SYNRG: variants seen among roughly 807,000 people sequenced by gnomAD.
SYNRG encodes synergin gamma, also known as AP1 gamma subunit binding protein 1.
SYNRG carries 37 observed loss-of-function variants against 130.9 expected under a neutral mutation model. The observed-to-expected ratio is 0.28, with a 90% confidence interval of 0.22 to 0.37. SYNRG has a LOEUF of 0.37. Ranked by LOEUF, SYNRG falls within the 10% of genes least tolerant of loss-of-function variation. The pLI is 1.00. For missense variants in SYNRG, 1,338 were observed against 1,588.9 expected (o/e 0.84, Z 2.68); for synonymous variants, 539 against 568.1 (o/e 0.95, Z 0.73).
At chr17:37,528,511 C>T (rs995794798) in intron 19 of SYNRG, among the ~76,000 whole-genome samples, 73 of 152,242 alleles carry the variant, frequency 4.8e-4, no homozygotes, top group African/African-American at 1.6e-3. Context: ...AAGGGCCTCA[C>T]TGTGGCAATA....
At chr17:37,590,899 C>A (rs184720405) in intron 3 of SYNRG, among the ~76,000 whole-genome samples, 1 of 151,974 alleles carries the variant, frequency 6.6e-6, no homozygotes, top group Admixed American at 6.6e-5. Context: ...CAAGCCTGGG[C>A]GACAGAGTAG....
intron 19 of SYNRG, among the ~76,000 whole-genome samples, chr17:37,524,569 T>G (rs1275880234): frequency 6.6e-6 from 1 of 152,274 alleles, no homozygotes; most frequent in Admixed American, 6.5e-5. Flanking sequence ...CTTAGCCAAG[T>G]CATAGGATAT....
intron 8 of SYNRG, among the ~76,000 whole-genome samples, chr17:37,572,760 G>C (rs185028650): frequency 6.0e-4 from 91 of 152,326 alleles, no homozygotes; most frequent in East Asian, 5.8e-4. Flanking sequence ...CCCAGTTTCT[G>C]TTAAGGTGAG....
intron 2 of SYNRG, among the ~76,000 whole-genome samples, chr17:37,599,382 G>A (rs2063067161): frequency 2.0e-5 from 3 of 152,200 alleles, no homozygotes; most frequent in Admixed American, 2.0e-4. Context: ...GTCCTAGTCT[G>A]AGACCAAGAG....
chr17:37,561,093 A>C lies in SYNRG; in HGVS notation c.1663+102T>G, dbSNP rs1373067120. 4 of 965,250 alleles carry C rather than the reference A, an allele frequency of 4.1e-6. No individual in the cohort carries two copies. In the East Asian group the frequency reaches 9.9e-5, roughly 24 times the overall value. The allele number at this position is 965,250 out of a possible 1,614,324, so 59.8% of individuals were successfully genotyped here. On this transcript the variant is annotated intron_variant, in intron 13 of 21. Transcript: ENST00000612223. ...TTTTTTCTCCTAAACACACAGACAC[A>C]CACACACTAAAATAAAGGGAATGCC... is the stretch of plus-strand genomic sequence containing the variant.
intron 17 of SYNRG, 107 bp downstream of exon 17, chr17:37,539,085 A>G (rs2057484690): frequency 6.5e-7 from 1 of 1,543,810 alleles, no homozygotes; most frequent in African/African-American, 1.4e-5. Flanking sequence ...GGGACATCCA[A>G]GTAAGGCTCT....
At chr17:37,581,282 A>G (rs1252809717) in intron 6 of SYNRG, among the ~76,000 whole-genome samples, 2 of 151,240 alleles carry the variant, frequency 1.3e-5, no homozygotes, top group African/African-American at 4.9e-5. Flanking sequence ...TACTATTATT[A>G]TTATTATTAT....
At chr17:37,535,842 A>G in intron 19 of SYNRG, 137 bp downstream of exon 19, 44 of 1,137,324 alleles carry the variant, frequency 3.9e-5, no homozygotes, top group Non-Finnish European at 4.8e-5. Flanking sequence ...CACACCTGTG[A>G]TCTCCCTCCT....
chr17:37,607,762 C>G (rs1462525846), intron 1 of SYNRG, among the ~76,000 whole-genome samples: 1 of 151,958 alleles, frequency 6.6e-6, no homozygotes, highest in Non-Finnish European at 1.5e-5. Flanking sequence ...GCACTCTAGC[C>G]TGGGTGACAG....
At chr17:37,540,630 C>CTTTTTT (rs767724523) in intron 15 of SYNRG, 87 bp from the exon 16 acceptor site, 32 of 695,936 alleles carry the variant, frequency 4.6e-5, no homozygotes, top group African/African-American at 1.2e-4. Flanking sequence ...CAACCCTCTT[C>CTTTTTT]TTTTTTTTTT....
Position 37,553,559 on chromosome 17 carries a change from C to G in SYNRG, c.2164G>C (p.Val722Leu). The change falls in exon 14 of 22, where the codon GTT becomes CTT. Residue 722 changes from valine to leucine, a missense_variant. Physicochemically the swap from Val to Leu is conservative, Grantham distance 32. Coordinates refer to ENST00000612223, the MANE Select transcript of SYNRG (RefSeq NM_007247.6). Reference protein sequence around the residue: ...YDALKEEASPVPLTSNVGSTV... With the variant: ...YDALKEEASPLPLTSNVGSTV... ...CTGCCCACGTTGCTGGTTAGAGGAA[C>G]AGGACTGGCTTCCTCTTTAAGGGCA... 1.2e-6 allele frequency: 2 copies of G among 1,614,184 alleles called. No individual in the cohort carries two copies. Among genetic ancestry groups the G allele is most frequent in the Non-Finnish European group, 1.7e-6 (2 of 1,180,048 alleles).
At chr17:37,538,474 T>G in intron 17 of SYNRG, 54 bp from the exon 18 acceptor site, 1 of 1,297,958 alleles carries the variant, frequency 7.7e-7, no homozygotes, top group Non-Finnish European at 1.1e-6. Context: ...TCATTGCAAA[T>G]CAATTTACTA....
chr17:37,541,845 C>T, intron 15 of SYNRG, 127 bp downstream of exon 15: 1 of 912,458 alleles, frequency 1.1e-6, no homozygotes, highest in Non-Finnish European at 1.7e-6. Context: ...TGTAATTGAC[C>T]CTGATTTCAA....
chr17:37,596,765 TA>T (rs1292328839), intron 2 of SYNRG, among the ~76,000 whole-genome samples: 3 of 152,006 alleles, frequency 2.0e-5, no homozygotes, highest in Non-Finnish European at 4.4e-5. Flanking sequence ...GAAGGCTAGT[TA>T]TTTTTTTTTT....
intron 3 of SYNRG, among the ~76,000 whole-genome samples, chr17:37,589,249 G>A (rs2061943457): frequency 6.6e-6 from 1 of 152,152 alleles, no homozygotes; most frequent in Non-Finnish European, 1.5e-5. Flanking sequence ...CCACGAATCA[G>A]CTATAATTCT....
rs1354666758 is a variant in SYNRG, at chr17:37,585,237, GCC to G, written c.477+86_477+87del. ...AATCACAGCCTCAGCTTGGGCTGGT[GCC>G]CCAGTGACGAAATCCACTCAATGAG... On this transcript the variant is annotated intron_variant, in intron 5 of 21. Coordinates refer to ENST00000612223, the MANE Select transcript of SYNRG (RefSeq NM_007247.6). The G allele has an allele frequency of 3.9e-6, 4 of 1,022,562 alleles. No individual in the cohort carries two copies. In the African/African-American group the frequency reaches 6.5e-5, roughly 17 times the overall value. The allele number at this position is 1,022,562 out of a possible 1,614,324, so 63.3% of individuals were successfully genotyped here.
At chr17:37,594,899 G>A (rs956691362) in intron 3 of SYNRG, among the ~76,000 whole-genome samples, 1 of 152,156 alleles carries the variant, frequency 6.6e-6, no homozygotes, top group African/African-American at 2.4e-5. Flanking sequence ...CCAAGTGTTA[G>A]CTTTAAAAGA....
intron 19 of SYNRG, among the ~76,000 whole-genome samples, chr17:37,534,247 T>C (rs1050900787): frequency 1.3e-5 from 2 of 152,034 alleles, no homozygotes; most frequent in African/African-American, 4.8e-5. Flanking sequence ...CCAGCCTAAT[T>C]TCATCATATT....
At chr17:37,532,826 T>C (rs1598129889) in intron 19 of SYNRG, among the ~76,000 whole-genome samples, 1 of 152,310 alleles carries the variant, frequency 6.6e-6, no homozygotes, top group East Asian at 1.9e-4. Flanking sequence ...TTCTCATTGA[T>C]TTGTATGCTT....
Sources: gnomAD v4.1 joint callset for allele counts (sites outside exome capture counted in the v4.1 genomes callset) on GRCh38, gnomAD v4.1.1 for gene constraint, MANE v1.5 for transcripts, NCBI Gene and HGNC (gene_info 2026-07-23, HGNC 2026-07-21) for gene names.